ABCA13: variants seen among roughly 807,000 people sequenced by gnomAD.
ABCA13 encodes the protein ATP binding cassette subfamily A member 13, also known as ATP-binding cassette sub-family A member 13.
Under a neutral mutation model 478.7 loss-of-function variants are expected in ABCA13, and 476 were observed. That is an observed-to-expected ratio of 0.99 (90% CI 0.92 to 1.07). The LOEUF (loss-of-function observed/expected upper bound fraction) is 1.07. Ranked by LOEUF, ABCA13 falls within the 50% of genes least tolerant of loss-of-function variation. The pLI is 0.00. For missense variants in ABCA13, 6,060 were observed against 5,910.6 expected, an observed-to-expected ratio of 1.03 and a Z score of -0.83; for synonymous variants, 2,252 against 2,158.9, an observed-to-expected ratio of 1.04 and a Z score of -1.20.
intron 41 of ABCA13, among the ~76,000 whole-genome samples, chr7:48,425,498 T>C (rs188565167): frequency 1.4e-4 from 21 of 152,294 alleles, no homozygotes; most frequent in East Asian, 1.4e-3. Flanking sequence ...AGGTGAAGAC[T>C]TACTGCACTA....
chr7:48,251,843 T>G (rs900005140), intron 15 of ABCA13, among the ~76,000 whole-genome samples: 2 of 152,114 alleles, frequency 1.3e-5, no homozygotes, highest in African/African-American at 4.8e-5. Context: ...TTTCACACAT[T>G]TTAATATGTC....
chr7:48,225,164 C>CCTTT (rs1788019486), intron 5 of ABCA13, among the ~76,000 whole-genome samples: 1 of 147,884 alleles, frequency 6.8e-6, no homozygotes, highest in Non-Finnish European at 1.5e-5. Flanking sequence ...TTCCTTCCTT[C>CCTTT]CTTCCTTCCT....
At chr7:48,405,387 A>G (rs1263010187) in intron 39 of ABCA13, among the ~76,000 whole-genome samples, 1 of 152,212 alleles carries the variant, frequency 6.6e-6, no homozygotes, top group African/African-American at 2.4e-5. Context: ...CAAAGATTCG[A>G]ACCCTTCCCC....
intron 51 of ABCA13, among the ~76,000 whole-genome samples, chr7:48,513,707 C>G (rs966581788): frequency 1.3e-5 from 2 of 151,944 alleles, no homozygotes; most frequent in Admixed American, 1.3e-4. Flanking sequence ...TAATAAAAGC[C>G]TGGAGATTGT....
intron 23 of ABCA13, among the ~76,000 whole-genome samples, chr7:48,300,550 A>G (rs997459265): frequency 6.6e-6 from 1 of 152,238 alleles, no homozygotes; most frequent in Non-Finnish European, 1.5e-5. Flanking sequence ...TCAGACTGGA[A>G]TGATGATCTG....
At chr7:48,287,254 G>C (rs1797893509) in intron 19 of ABCA13, among the ~76,000 whole-genome samples, 1 of 152,218 alleles carries the variant, frequency 6.6e-6, no homozygotes, top group South Asian at 2.1e-4. Flanking sequence ...GAAAGACATT[G>C]GATGCAACAT....
intron 15 of ABCA13, among the ~76,000 whole-genome samples, chr7:48,261,332 C>T (rs1481838002): frequency 6.6e-6 from 1 of 152,126 alleles, no homozygotes; most frequent in Non-Finnish European, 1.5e-5. Flanking sequence ...TTTTCCTTCT[C>T]ACTGATAAAC....
intron 1 of ABCA13, among the ~76,000 whole-genome samples, chr7:48,189,938 C>T (rs1228418804): frequency 6.6e-6 from 1 of 151,958 alleles, no homozygotes; most frequent in Non-Finnish European, 1.5e-5. Flanking sequence ...TAAAGAACAA[C>T]TTAATAGAAA....
At chr7:48,194,944 G>T (rs1584098675) in intron 2 of ABCA13, among the ~76,000 whole-genome samples, 1 of 152,164 alleles carries the variant, frequency 6.6e-6, no homozygotes, top group Non-Finnish European at 1.5e-5. Context: ...CCCTGCCTTT[G>T]CAGAGCTCAC....
intron 59 of ABCA13, among the ~76,000 whole-genome samples, chr7:48,633,713 C>T (rs1203297453): frequency 7.9e-6 from 1 of 126,828 alleles, no homozygotes; most frequent in East Asian, 2.3e-4. Context: ...TCTTTCTCTA[C>T]TAAAAAAAAA....
In ABCA13 at chr7:48,317,203, T is replaced by C. The variant is rs375352319; in HGVS notation, c.9906T>C (p.Asn3302=). 3.3e-5 allele frequency: 54 copies of C among 1,613,444 alleles called. No homozygotes were observed. Among genetic ancestry groups the C allele is most frequent in the African/African-American group, 2.3e-4 (17 of 75,032 alleles). The part of the protein sequence containing the change: ...KLYQEILQLP[N]GALVWTFLKP... ...ATCAGGAAATTCTACAATTGCCAAA[T>C]GGTGCTTTGGTGTGGACCTTCCTAA... The change falls in exon 27 of 62, where the codon AAT becomes AAC. Residue 3302 remains asparagine, a synonymous_variant. Transcript: ENST00000435803.
At chr7:48,627,366 A>C (rs1317963969) in intron 59 of ABCA13, among the ~76,000 whole-genome samples, 1 of 152,168 alleles carries the variant, frequency 6.6e-6, no homozygotes, top group Non-Finnish European at 1.5e-5. Context: ...TGCGTGATGA[A>C]ACCTACACAC....
At chr7:48,230,697 G>A (rs546201650) in intron 7 of ABCA13, among the ~76,000 whole-genome samples, 77 of 149,940 alleles carry the variant, frequency 5.1e-4, no homozygotes, top group Non-Finnish European at 1.0e-3. Flanking sequence ...CCATCTATTC[G>A]TCCATTAATC....
intron 55 of ABCA13, among the ~76,000 whole-genome samples, chr7:48,551,733 T>A (rs193230134): frequency 6.6e-6 from 1 of 151,896 alleles, no homozygotes; most frequent in East Asian, 1.9e-4. Flanking sequence ...TTAGTTGTGT[T>A]TTATTTTTGT....
At chr7:48,560,406 G>A (rs1786335457) in intron 55 of ABCA13, among the ~76,000 whole-genome samples, 1 of 152,166 alleles carries the variant, frequency 6.6e-6, no homozygotes, top group African/African-American at 2.4e-5. Flanking sequence ...ATGGGGGAGG[G>A]ATGTAATCAG....
chr7:48,645,329 G>A, intron 61 of ABCA13, 88 bp from the exon 62 acceptor site: 2 of 1,011,972 alleles, frequency 2.0e-6, no homozygotes, highest in South Asian at 1.5e-5. Flanking sequence ...AAGTTGGCCA[G>A]TGTTCTGAGA....
chr7:48,349,399 C>A (rs1235759519), intron 29 of ABCA13, among the ~76,000 whole-genome samples: 2 of 152,238 alleles, frequency 1.3e-5, no homozygotes, highest in African/African-American at 4.8e-5. Context: ...TACATGTTCT[C>A]ATCCATCTGA....
At chr7:48,479,438 A>G (rs1320845005) in intron 45 of ABCA13, among the ~76,000 whole-genome samples, 5 of 151,884 alleles carry the variant, frequency 3.3e-5, no homozygotes, top group Non-Finnish European at 5.9e-5. Flanking sequence ...GGGTTTCATC[A>G]TGTTGCCTAG....
At chr7:48,380,906 T>A (rs1374107115) in intron 35 of ABCA13, among the ~76,000 whole-genome samples, 2 of 152,138 alleles carry the variant, frequency 1.3e-5, no homozygotes, top group Non-Finnish European at 2.9e-5. Flanking sequence ...TCGGGGTCAC[T>A]GTCCACCTGG....
Sources: allele counts gnomAD v4.1 joint callset (sites outside exome capture counted in the v4.1 genomes callset), GRCh38; gene constraint gnomAD v4.1.1; transcripts MANE v1.5; gene names NCBI Gene and HGNC (gene_info 2026-07-23, HGNC 2026-07-21).